The following CACTIN variants were observed in gnomAD, a reference collection of about 807,000 sequenced individuals.
CACTIN encodes cactin, spliceosome C complex subunit.
A neutral mutation model predicts 84.9 loss-of-function variants in CACTIN; 20 were observed. The observed-to-expected ratio is 0.24, with a 90% CI of 0.17 to 0.34. CACTIN has a LOEUF of 0.34. Among genes scored for constraint, CACTIN ranks in the 10% least tolerant of loss-of-function variants. The pLI, the probability that CACTIN is intolerant of heterozygous loss-of-function variation, is 1.00. For synonymous variants in CACTIN, 549 were observed against 467.9 expected, an observed-to-expected ratio of 1.17 and a Z score of -2.24; for missense variants, 897 against 1,117.2, an observed-to-expected ratio of 0.80 and a Z score of 2.81.
intron 6 of CACTIN, 26 bp downstream of exon 6, chr19:3,618,849 G>A (rs2033161742): frequency 2.0e-6 from 3 of 1,517,398 alleles, no homozygotes; most frequent in African/African-American, 1.4e-5. Flanking sequence ...AGCTCCCCTG[G>A]AGCCCAGGCC....
Position 3,624,007 on chromosome 19 carries a change from G to C in CACTIN, c.323C>G (p.Ser108Trp), listed in dbSNP as rs55862054. ...QWARRRRRAR[S>W]WSPSSSASSS... ...GGATGCTGAGGAGCTAGGAGACCAC[G>C]AGCGTGCGCGCCGTCGCCGGCGAGC... Residue 108 changes from serine (S) to tryptophan (W), a missense_variant, in exon 2 of 10, where the codon TCG becomes TGG. By Grantham distance (177) the Ser-to-Trp change is radical (BLOSUM62 -3). Around this residue, in one of 8 missense-constraint regions of CACTIN, gnomAD observed 261 missense variants for 243.8 expected, o/e 1.07. Transcript: ENST00000429344. 6.2e-7 allele frequency: 1 copy of C among 1,605,428 alleles called. No homozygotes were observed. Among genetic ancestry groups the C allele is most frequent in the Admixed American group, 1.7e-5 (1 of 59,942 alleles).
Position 3,611,003 on chromosome 19 carries a change from C to T in CACTIN, c.*920G>A, listed in dbSNP as rs2032934885. On this transcript the variant is annotated 3_prime_UTR_variant, in exon 10 of 10. Transcript: ENST00000429344. ...AAGGGGAGTGAGAAGGAGCCACTGT[C>T]CTGATATGGGCAAAACTCGGGGTCA... The T allele has an allele frequency of 4.4e-6, 2 of 454,832 alleles. No individual in the cohort carries two copies. Among genetic ancestry groups the T allele is most frequent in the South Asian group, 3.1e-5 (2 of 64,492 alleles). 28.2% of individuals were successfully genotyped at this position (454,832 alleles called of 1,614,324 possible). A position where few individuals can be genotyped will look rare whatever the true frequency, so the allele number is the denominator to read the frequency against.
At position 3,613,167 on chromosome 19, in the gene CACTIN, G is replaced by A. The variant is rs1297199255; in HGVS notation, c.1677C>T (p.Tyr559=). The change falls in exon 9 of 10, where the codon TAC becomes TAT. Residue 559 remains tyrosine, a synonymous_variant. Transcript: ENST00000429344. ...CGTGCGCCGTGAGCAGCCGCGGGCTGTACCTGCCGGCGTCGTAGTCGTCCA... is the reference window on the plus strand; with the variant it reads ...CGTGCGCCGTGAGCAGCCGCGGGCTATACCTGCCGGCGTCGTAGTCGTCCA... ...QSLDDYDAGR[Y]SPRLLTAHEL... The A allele has an allele frequency of 1.2e-6, 2 of 1,610,842 alleles. No homozygotes were observed. Among genetic ancestry groups the A allele is most frequent in the South Asian group, 2.2e-5 (2 of 91,068 alleles).
Position 3,612,346 on chromosome 19 carries a change from C to T in CACTIN, c.1854G>A (p.Glu618=). 1 of 1,611,214 alleles carries T rather than the reference C, an allele frequency of 6.2e-7. No homozygotes were observed. The highest frequency in any genetic ancestry group is 8.5e-7 in the Non-Finnish European group (1 of 1,179,792). The change falls in exon 10 of 10, where the codon GAG becomes GAA. Residue 618 remains glutamate (E), a synonymous_variant. Coordinates refer to ENST00000429344, the MANE Select transcript of CACTIN (RefSeq NM_001080543.2). The part of the protein sequence containing the change: ...RRAKEGMGQD[E]AQFSVEMPLT... ...GTGGCATCTCCACGCTGAACTGCGCCTCGTCCTGGCCCATGCCCTCCTTGG... is the reference window on the plus strand; with the variant it reads ...GTGGCATCTCCACGCTGAACTGCGCTTCGTCCTGGCCCATGCCCTCCTTGG...
In CACTIN at chr19:3,613,557, C is replaced by T; in HGVS notation, c.1385G>A (p.Arg462Gln). The T allele has an allele frequency of 6.2e-7, 1 of 1,602,254 alleles. No homozygotes were observed. The highest frequency in any genetic ancestry group is 1.7e-5 in the Admixed American group (1 of 59,560). The part of the protein sequence containing the change: ...RLRERHQDVL[R>Q]QKLYKLKQEQ... ...CTGCTTCAGTTTGTACAGCTTCTGC[C>T]GCAGCACGTCCTGGTGGCGCTCACG... Residue 462 changes from arginine (R) to glutamine (Q), a missense_variant, in exon 8 of 10, where the codon CGG (arginine) becomes CAG (glutamine). Coordinates refer to ENST00000429344, the MANE Select transcript of CACTIN (RefSeq NM_001080543.2).
chr19:3,621,571 G>T (rs961940132), intron 2 of CACTIN, among the ~76,000 whole-genome samples: 1 of 152,214 alleles, frequency 6.6e-6, no homozygotes, highest in African/African-American at 2.4e-5. Context: ...GCCTGGGGCC[G>T]CTTCCACAGG....
Position 3,617,433 on chromosome 19 carries a change from G to A in CACTIN, c.1162+1442C>T, listed in dbSNP as rs1599888268. ...GGAGAATCAGAAACAAACTCCCTCGGAAGACACCAAAGCCACCTGGGGTCC... is the reference window on the plus strand; with the variant it reads ...GGAGAATCAGAAACAAACTCCCTCGAAAGACACCAAAGCCACCTGGGGTCC... On this transcript the variant is annotated intron_variant, in intron 6 of 9. Transcript: ENST00000429344. Among the ~76,000 whole-genome samples the A allele has an allele frequency of 1.3e-5, 2 of 152,326 alleles. 1 individual carries two copies. Among genetic ancestry groups the A allele is most frequent in the South Asian group, 4.1e-4 (2 of 4,828 alleles).
At chr19:3,614,770 G>A (rs1291685077) in intron 6 of CACTIN, 181 bp from the exon 7 acceptor site, 3 of 616,824 alleles carry the variant, frequency 4.9e-6, no homozygotes, top group African/African-American at 1.8e-5. Context: ...CACAGCGGAG[G>A]GGAGGGGGTG....
rs2032949472 is a variant in CACTIN at position 3,611,495 on chromosome 19, C to G, written c.*428G>C. On this transcript the variant is annotated 3_prime_UTR_variant, in exon 10 of 10. Coordinates refer to ENST00000429344, the MANE Select transcript of CACTIN (RefSeq NM_001080543.2). ...AGTTTCCTGCTTCTCACGAGCCTGGCACCGCCAAGCCCAGGCCCCTCTGGC... is the reference window on the plus strand; with the variant it reads ...AGTTTCCTGCTTCTCACGAGCCTGGGACCGCCAAGCCCAGGCCCCTCTGGC... The G allele has an allele frequency of 2.7e-6, 1 of 371,102 alleles. No individual in the cohort carries two copies. Among genetic ancestry groups the G allele is most frequent in the East Asian group, 7.7e-5 (1 of 12,952 alleles). The allele number at this position is 371,102 out of a possible 1,614,324, so 23.0% of individuals were successfully genotyped here.
chr19:3,618,954 G>T lies in CACTIN; in HGVS notation c.1083C>A (p.Asp361Glu). The T allele has an allele frequency of 1.3e-6, 2 of 1,558,868 alleles. No individual in the cohort carries two copies. Among genetic ancestry groups the T allele is most frequent in the Non-Finnish European group, 1.7e-6 (2 of 1,151,168 alleles). ...TGATGGTGGTCATGTCCCGCCAGAAGTCGGCGTTCTTGCCCTGCTCCAGCT... is the reference window on the plus strand; with the variant it reads ...TGATGGTGGTCATGTCCCGCCAGAATTCGGCGTTCTTGCCCTGCTCCAGCT... ...YMELEQGKNA[D>E]FWRDMTTITE... Residue 361 changes from aspartate (D) to glutamate (E), a missense_variant, in exon 6 of 10, where the codon GAC (aspartate) becomes GAA (glutamate). Transcript: ENST00000429344.
In CACTIN at chr19:3,626,778, C is replaced by T. The variant is rs753988658; in HGVS notation, c.-16G>A. 7.3e-7 allele frequency: 1 copy of T among 1,369,180 alleles called. No individual in the cohort carries two copies. The highest frequency in any genetic ancestry group is 9.4e-7 in the Non-Finnish European group (1 of 1,058,648). The allele number at this position is 1,369,180 out of a possible 1,614,324, so 84.8% of individuals were successfully genotyped here. On this transcript the variant is annotated 5_prime_UTR_variant, in exon 1 of 10. Transcript: ENST00000429344. ...CCCGACCCATCGGCTGGGCCAGTGG[C>T]CGCGGCACCAACACCAATAGCCGAA...
intron 4 of CACTIN, among the ~76,000 whole-genome samples, chr19:3,619,684 G>A (rs1453068034): frequency 6.6e-6 from 1 of 152,158 alleles, no homozygotes; most frequent in African/African-American, 2.4e-5. Context: ...CCTGCAGGGG[G>A]GTACGCGTTG....
intron 1 of CACTIN, among the ~76,000 whole-genome samples, chr19:3,626,210 AAG>A (rs1209707864): frequency 6.6e-6 from 1 of 152,052 alleles, no homozygotes; most frequent in Non-Finnish European, 1.5e-5. Context: ...CAAAGCCAGA[AAG>A]TATGCAGAGT....
In CACTIN at chr19:3,620,218, G is replaced by A; in HGVS notation, c.793C>T (p.Leu265=). ...TCCTTCTCGCGCTGCAGCATCTCCA[G>A]CTCCTGCTCGCGCATGGCCTTCTCC... The part of the protein sequence containing the change: ...EREKAMREQE[L]EMLQREKEAE... Residue 265 remains leucine (L), a synonymous_variant, in exon 4 of 10, where the codon CTG becomes TTG. Coordinates refer to ENST00000429344, the MANE Select transcript of CACTIN (RefSeq NM_001080543.2). The A allele has an allele frequency of 6.2e-7, 1 of 1,603,534 alleles. No individual in the cohort carries two copies. Among genetic ancestry groups the A allele is most frequent in the Non-Finnish European group, 8.5e-7 (1 of 1,177,376 alleles).
rs57416953 is a variant in CACTIN at position 3,617,497 on chromosome 19, C to A, written c.1162+1378G>T. Among the ~76,000 whole-genome samples, 1,323 of 152,184 alleles carry A rather than the reference C, an allele frequency of 8.7e-3. 15 individuals carry two copies. The highest frequency in any genetic ancestry group is 0.021 in the Middle Eastern group (6 of 292). ...GTGAGGGGAAAGGAGGGCTGAGCGA[C>A]GTGGTGGAGGCAGAAGGCCATGGAA... is the stretch of plus-strand genomic sequence containing the variant. On this transcript the variant is annotated intron_variant, in intron 6 of 9. Transcript: ENST00000429344.
At position 3,611,222 on chromosome 19, in the gene CACTIN, T is replaced by G. The variant is rs2032941149; in HGVS notation, c.*701A>C. On this transcript the variant is annotated 3_prime_UTR_variant, in exon 10 of 10. Transcript: ENST00000429344. ...CAGAGACAGGGACCTCGACGCATCC[T>G]CCATACCCGCTGCGGGGAAATGGAC... The G allele has an allele frequency of 2.3e-6, 1 of 437,742 alleles. No homozygotes were observed. Among genetic ancestry groups the G allele is most frequent in the African/African-American group, 2.0e-5 (1 of 49,008 alleles). 27.1% of individuals were successfully genotyped at this position (437,742 alleles called of 1,614,324 possible). A position where few individuals can be genotyped will look rare whatever the true frequency, so the allele number is the denominator to read the frequency against.
chr19:3,617,240 C>T (rs1385812645), intron 6 of CACTIN, among the ~76,000 whole-genome samples: 1 of 152,250 alleles, frequency 6.6e-6, no homozygotes, highest in African/African-American at 2.4e-5. Context: ...GATCGCGCCA[C>T]TCAACTCTCG....
Position 3,614,680 on chromosome 19 carries a change from T to TC in CACTIN, c.1163-92dup, listed in dbSNP as rs1043899877. 3.0e-6 allele frequency: 3 copies of TC among 993,968 alleles called. No homozygotes were observed. In the African/African-American group the frequency reaches 4.8e-5, roughly 16 times the overall value. 61.6% of individuals were successfully genotyped at this position (993,968 alleles called of 1,614,324 possible). ...GGCCTCCTCCCCTGCCATGGGGGGG[T>TC]CCCCCTCCCCTCCTCTTCCCCCACA... On this transcript the variant is annotated intron_variant, in intron 6 of 9. Coordinates refer to ENST00000429344, the MANE Select transcript of CACTIN (RefSeq NM_001080543.2).
rs779049407 is a variant in CACTIN, at chr19:3,618,936, G to A, written c.1101C>T (p.Thr367=). ...TGGAGATCTCGTCCTCGGTGATGGT[G>A]GTCATGTCCCGCCAGAAGTCGGCGT... ...GKNADFWRDM[T]TITEDEISKL... Residue 367 remains threonine (T), a synonymous_variant, in exon 6 of 10, where the codon ACC becomes ACT. Transcript: ENST00000429344. 1.9e-6 allele frequency: 3 copies of A among 1,560,290 alleles called. No homozygotes were observed. The highest frequency in any genetic ancestry group is 1.4e-5 in the African/African-American group (1 of 73,456).
Sources: allele counts gnomAD v4.1 joint callset (sites outside exome capture counted in the v4.1 genomes callset), GRCh38; gene constraint gnomAD v4.1.1; regional missense constraint gnomAD v4.1.1; transcripts MANE v1.5; gene names NCBI Gene and HGNC (gene_info 2026-07-23, HGNC 2026-07-21).